The following DCLK1 variants were observed in gnomAD, a reference collection of about 807,000 sequenced individuals.
The protein encoded by DCLK1 is doublecortin like kinase 1.
A neutral mutation model predicts 86.2 loss-of-function variants in DCLK1; 16 were observed. The observed-to-expected ratio is 0.19, with a 90% CI of 0.13 to 0.28. The LOEUF (loss-of-function observed/expected upper bound fraction) is 0.28, where lower values mean the gene tolerates loss of function less well. Ranked by LOEUF, DCLK1 falls within the 10% of genes least tolerant of loss-of-function variation. The pLI is 1.00. For missense variants in DCLK1, 590 were observed against 940.2 expected (o/e 0.63, Z 4.87); for synonymous variants, 369 against 370.5 (o/e 1.00, Z 0.05).
At chr13:35,921,253 T>C (rs1235908840) in intron 4 of DCLK1, among the ~76,000 whole-genome samples, 1 of 152,158 alleles carries the variant, frequency 6.6e-6, no homozygotes, top group African/African-American at 2.4e-5. Flanking sequence ...CTCTCCCTCC[T>C]TCTACTCTAG....
At chr13:35,947,176 T>C (rs537570811) in intron 4 of DCLK1, among the ~76,000 whole-genome samples, 182 bp downstream of exon 4, 2 of 152,288 alleles carry the variant, frequency 1.3e-5, no homozygotes, top group South Asian at 4.1e-4. Flanking sequence ...CCAATTCTCA[T>C]TTCATCTGTT....
chr13:35,933,841 C>A (rs1876598704), intron 4 of DCLK1, among the ~76,000 whole-genome samples: 1 of 152,210 alleles, frequency 6.6e-6, no homozygotes, highest in African/African-American at 2.4e-5. Context: ...AATTTGGCTG[C>A]TCGTTACTTA....
chr13:36,058,437 A>G (rs903174490), intron 3 of DCLK1, among the ~76,000 whole-genome samples: 1 of 152,184 alleles, frequency 6.6e-6, no homozygotes, highest in African/African-American at 2.4e-5. Flanking sequence ...TGAGAGGGAG[A>G]TCTAATTAGA....
chr13:35,906,825 T>C (rs958398902), intron 4 of DCLK1, among the ~76,000 whole-genome samples: 2 of 152,152 alleles, frequency 1.3e-5, no homozygotes, highest in African/African-American at 2.4e-5. Context: ...GAGACCTAAA[T>C]TGGGATACAG....
intron 3 of DCLK1, among the ~76,000 whole-genome samples, chr13:36,102,582 C>T (rs1179936929): frequency 6.6e-6 from 1 of 152,144 alleles, no homozygotes; most frequent in African/African-American, 2.4e-5. Context: ...GTGTTTTTCC[C>T]TCAGGGAGGA....
intron 3 of DCLK1, among the ~76,000 whole-genome samples, chr13:36,027,789 G>A (rs940454854): frequency 2.6e-5 from 4 of 152,202 alleles, no homozygotes; most frequent in East Asian, 1.9e-4. Flanking sequence ...CTGGAGTGTA[G>A]TGGCGTGAAC....
In DCLK1 at chr13:35,774,068, C is replaced by T. The variant is rs2086378763; in HGVS notation, c.*467G>A. 6.5e-6 allele frequency: 1 copy of T among 154,448 alleles called. No homozygotes were observed. The highest frequency in any genetic ancestry group is 2.4e-5 in the African/African-American group (1 of 41,486). 9.6% of individuals were successfully genotyped at this position (154,448 alleles called of 1,614,324 possible). On this transcript the variant is annotated 3_prime_UTR_variant, in exon 17 of 17. Transcript: ENST00000360631. Reference sequence around the variant, plus strand: ...AGAAAAGGACAAACAAGATATCATTCTAAATGTCCTTCTTTTCTGGACATT... The same window carrying T: ...AGAAAAGGACAAACAAGATATCATTTTAAATGTCCTTCTTTTCTGGACATT...
chr13:35,883,935 GAAAGGCCTAC>G (rs1369967319), intron 4 of DCLK1, among the ~76,000 whole-genome samples: 2 of 152,172 alleles, frequency 1.3e-5, no homozygotes, highest in African/African-American at 4.8e-5. Context: ...CAAGAGTCTA[GAAAGGCCTAC>G]AGTCTTCCTC....
intron 15 of DCLK1, among the ~76,000 whole-genome samples, chr13:35,794,073 T>C (rs2086758076): frequency 6.6e-6 from 1 of 152,258 alleles, no homozygotes; most frequent in South Asian, 2.1e-4. Context: ...TAGTTTATAT[T>C]GGAGCTTATT....
intron 10 of DCLK1, among the ~76,000 whole-genome samples, chr13:35,825,962 G>T (rs1315517918): frequency 6.6e-6 from 1 of 151,746 alleles, no homozygotes; most frequent in Non-Finnish European, 1.5e-5. Flanking sequence ...ACAGGCGCCT[G>T]CCACCATGCC....
Position 35,935,165 on chromosome 13 carries a change from G to A in DCLK1, c.823+12193C>T, listed in dbSNP as rs150188960. On this transcript the variant is annotated intron_variant, in intron 4 of 16. Coordinates refer to ENST00000360631, the MANE Select transcript of DCLK1 (RefSeq NM_001330071.2). Reference sequence around the variant, plus strand: ...TTTCAAAAATAAATAGCTTTTGGGAGACCAACAAATAATACTGTGGTTGGA... The same window carrying A: ...TTTCAAAAATAAATAGCTTTTGGGAAACCAACAAATAATACTGTGGTTGGA... Among the ~76,000 whole-genome samples, 152 of 152,260 alleles carry A rather than the reference G, an allele frequency of 1.0e-3. 1 individual carries two copies. Among genetic ancestry groups the A allele is most frequent in the African/African-American group, 3.3e-3 (138 of 41,552 alleles).
chr13:36,035,341 T>C (rs1043540878), intron 3 of DCLK1, among the ~76,000 whole-genome samples: 4 of 152,180 alleles, frequency 2.6e-5, no homozygotes, highest in African/African-American at 9.7e-5. Flanking sequence ...GAAAACTTAA[T>C]TTGGAACCAA....
At chr13:36,026,291 G>A (rs1317792863) in intron 3 of DCLK1, among the ~76,000 whole-genome samples, 1 of 152,098 alleles carries the variant, frequency 6.6e-6, no homozygotes, top group Non-Finnish European at 1.5e-5. Context: ...AGATGGCCAT[G>A]CAAAAATGTC....
At chr13:36,003,360 T>C (rs1195231617) in intron 3 of DCLK1, among the ~76,000 whole-genome samples, 1 of 152,208 alleles carries the variant, frequency 6.6e-6, no homozygotes, top group African/African-American at 2.4e-5. Flanking sequence ...TTCATATTAT[T>C]ACTGGTTTGG....
At chr13:35,826,385 T>C (rs1385341454) in intron 10 of DCLK1, among the ~76,000 whole-genome samples, 3 of 150,094 alleles carry the variant, frequency 2.0e-5, no homozygotes, top group African/African-American at 7.3e-5. Flanking sequence ...TAGCCGGGCG[T>C]GGTGGCACAT....
chr13:35,959,191 A>T (rs2153136875), intron 3 of DCLK1, among the ~76,000 whole-genome samples: 1 of 152,326 alleles, frequency 6.6e-6, no homozygotes, highest in Non-Finnish European at 1.5e-5. Context: ...TATGTATATT[A>T]GAGCATCTAC....
At chr13:35,848,961 T>C (rs1323706556) in intron 6 of DCLK1, 2 of 985,246 alleles carry the variant, frequency 2.0e-6, no homozygotes, top group African/African-American at 1.7e-5. Context: ...GTCATTTCTA[T>C]TGGAAACAGT....
chr13:35,980,369 G>A (rs1357049728), intron 3 of DCLK1, among the ~76,000 whole-genome samples: 1 of 152,044 alleles, frequency 6.6e-6, no homozygotes, highest in Non-Finnish European at 1.5e-5. Context: ...GTGGGAGGAT[G>A]GCTTGAGCCC....
At chr13:35,796,582 T>C (rs1440089800) in intron 15 of DCLK1, among the ~76,000 whole-genome samples, 1 of 152,160 alleles carries the variant, frequency 6.6e-6, no homozygotes, top group Non-Finnish European at 1.5e-5. Context: ...TATGATCTCT[T>C]TCCTCCTCAA....
Sources: allele counts gnomAD v4.1 joint callset (sites outside exome capture counted in the v4.1 genomes callset), GRCh38; gene constraint gnomAD v4.1.1; transcripts MANE v1.5; gene names NCBI Gene and HGNC (gene_info 2026-07-23, HGNC 2026-07-21).